Variants in SLC39A12 observed in about 807,000 individuals in gnomAD.
The protein encoded by SLC39A12 is solute carrier family 39 member 12.
A neutral mutation model predicts 71.1 loss-of-function variants in SLC39A12; 63 were observed. The ratio of observed to expected loss-of-function variants is 0.89; its 90% CI spans 0.72 to 1.09. The LOEUF (loss-of-function observed/expected upper bound fraction) is 1.09, where lower values mean the gene tolerates loss of function less well. SLC39A12 is among the 50% of genes least tolerant of loss of function. The pLI is 0.00. For missense variants in SLC39A12, 892 were observed against 812.6 expected, an observed-to-expected ratio of 1.10 and a Z score of -1.19; for synonymous variants, 351 against 301.3, an observed-to-expected ratio of 1.16 and a Z score of -1.71.
At position 17,965,614 on chromosome 10, in the gene SLC39A12, A is replaced by C; in HGVS notation, c.675A>C (p.Gly225=). 6.2e-7 allele frequency: 1 copy of C among 1,614,198 alleles called. No individual in the cohort carries two copies. The highest frequency in any genetic ancestry group is 1.1e-5 in the South Asian group (1 of 91,080). ...LSLQGVCLGQ[G]NLPSPDYFTE... The stretch of plus-strand genomic sequence containing the variant: ...TCCAGGGTGTTTGTCTGGGACAAGG[A>C]AACTTGCCTTCCCCAGACTACTTTA... The change falls in exon 4 of 13, where the codon GGA becomes GGC. Residue 225 remains glycine, a synonymous_variant. Coordinates refer to ENST00000377369, the MANE Select transcript of SLC39A12 (RefSeq NM_001145195.2).
At position 17,996,255 on chromosome 10, in the gene SLC39A12, A is replaced by G. The variant is rs559107098; in HGVS notation, c.1600+533A>G. The stretch of plus-strand genomic sequence containing the variant: ...ATTAACAAAGCTTGATGTTTTTTCT[A>G]TGATTTTTTTCTTCTGCATTTAATT... On this transcript the variant is annotated intron_variant, in intron 10 of 12. Coordinates refer to ENST00000377369, the MANE Select transcript of SLC39A12 (RefSeq NM_001145195.2). 6.1e-5 allele frequency among the ~76,000 whole-genome samples: 7 copies of G among 114,058 alleles called. No individual in the cohort carries two copies. In the East Asian group the frequency reaches 1.4e-3, roughly 23 times the overall value. 74.8% of individuals were successfully genotyped at this position (114,058 alleles called of 152,430 possible). A position where few individuals can be genotyped will look rare whatever the true frequency, so the allele number is the denominator to read the frequency against.
intron 12 of SLC39A12, among the ~76,000 whole-genome samples, chr10:18,026,374 G>C (rs944778052): frequency 1.3e-5 from 2 of 151,938 alleles, no homozygotes; most frequent in Non-Finnish European, 1.5e-5. Context: ...AAATATTTTA[G>C]TTCACCCCCT....
At chr10:17,975,031 C>T (rs1589226419) in intron 4 of SLC39A12, among the ~76,000 whole-genome samples, 1 of 152,228 alleles carries the variant, frequency 6.6e-6, no homozygotes, top group Non-Finnish European at 1.5e-5. Flanking sequence ...GAGCCTTACT[C>T]TGTGGCCAGC....
At chr10:17,989,548 C>T (rs1835488057) in intron 7 of SLC39A12, among the ~76,000 whole-genome samples, 1 of 152,080 alleles carries the variant, frequency 6.6e-6, no homozygotes, top group Non-Finnish European at 1.5e-5. Context: ...AGGATGGGTG[C>T]AACATGTTAC....
intron 5 of SLC39A12, among the ~76,000 whole-genome samples, chr10:17,979,327 TTTGTAATAGAATAACC>T (rs1835195489): frequency 6.6e-6 from 1 of 152,194 alleles, no homozygotes; most frequent in Non-Finnish European, 1.5e-5. Flanking sequence ...GGCGCAGAAG[TTTGTAATAGAATAACC>T]TTACTCTCTG....
At chr10:18,025,588 A>G (rs1272775814) in intron 12 of SLC39A12, among the ~76,000 whole-genome samples, 1 of 152,192 alleles carries the variant, frequency 6.6e-6, no homozygotes, top group African/African-American at 2.4e-5. Context: ...GCTGCATAGT[A>G]TTCCATGGTG....
At chr10:18,035,664 C>T (rs1446781831) in intron 12 of SLC39A12, among the ~76,000 whole-genome samples, 1 of 152,226 alleles carries the variant, frequency 6.6e-6, no homozygotes, top group Admixed American at 6.5e-5. Context: ...AGTCATTCTC[C>T]ATCCAGCTTT....
chr10:17,989,179 C>CCAAT (rs150276592), intron 7 of SLC39A12, among the ~76,000 whole-genome samples: 2 of 152,298 alleles, frequency 1.3e-5, no homozygotes, highest in African/African-American at 2.4e-5. Flanking sequence ...TGATGGTGGA[C>CCAAT]CAATGATCCC....
rs746691202 is a variant in SLC39A12, at chr10:18,036,794, A to ATTTTTTT, written c.1948-5906_1948-5900dup. Among the ~76,000 whole-genome samples the ATTTTTTT allele has an allele frequency of 1.2e-3, 115 of 92,836 alleles. 2 individuals carry two copies. The highest frequency in any genetic ancestry group is 2.6e-3 in the South Asian group (6 of 2,300). The allele number at this position is 92,836 out of a possible 152,430, so 60.9% of individuals were successfully genotyped here. A position where few individuals can be genotyped will look rare whatever the true frequency, so the allele number is the denominator to read the frequency against. The stretch of plus-strand genomic sequence containing the variant: ...TATATATATATATATATATATATAT[A>ATTTTTTT]TTTTTTTTTTTAATGGAATCTCACT... On this transcript the variant is annotated intron_variant, in intron 12 of 12. Transcript: ENST00000377369.
At chr10:17,958,089 T>C (rs1019258909) in intron 2 of SLC39A12, among the ~76,000 whole-genome samples, 3 of 152,218 alleles carry the variant, frequency 2.0e-5, no homozygotes, top group Non-Finnish European at 2.9e-5. Context: ...GTGGAATGCC[T>C]ACCCACACGA....
chr10:17,991,782 T>C (rs1321480095), intron 8 of SLC39A12, among the ~76,000 whole-genome samples: 1 of 152,086 alleles, frequency 6.6e-6, no homozygotes, highest in Non-Finnish European at 1.5e-5. Context: ...ATTATACCAG[T>C]AGCTGATAAA....
chr10:18,034,809 C>T (rs548523565), intron 12 of SLC39A12, among the ~76,000 whole-genome samples: 13 of 148,604 alleles, frequency 8.7e-5, no homozygotes, highest in Admixed American at 4.0e-4. Flanking sequence ...CCATGTTTAG[C>T]GCTTCCTTCA....
intron 12 of SLC39A12, 91 bp downstream of exon 12, chr10:18,003,449 T>C: frequency 8.6e-7 from 1 of 1,160,900 alleles, no homozygotes; most frequent in Non-Finnish European, 1.2e-6. Context: ...GATAAATGAG[T>C]AGAACAGAAG....
chr10:17,988,733 C>T (rs1835467152), intron 7 of SLC39A12, among the ~76,000 whole-genome samples: 1 of 152,104 alleles, frequency 6.6e-6, no homozygotes, highest in Admixed American at 6.5e-5. Flanking sequence ...GCATCTGTGC[C>T]CAGCTCCCTC....
At chr10:17,987,435 A>C (rs747968029) in intron 6 of SLC39A12, 44 bp from the exon 7 acceptor site, 11 of 1,593,992 alleles carry the variant, frequency 6.9e-6, no homozygotes, top group Non-Finnish European at 9.4e-6. Flanking sequence ...GCCGGAATGG[A>C]GGGCACTGGG....
At chr10:18,012,894 A>G (rs1030538272) in intron 12 of SLC39A12, among the ~76,000 whole-genome samples, 1 of 150,796 alleles carries the variant, frequency 6.6e-6, no homozygotes, top group Non-Finnish European at 1.5e-5. Flanking sequence ...AAGGGCTTAA[A>G]TCCTGCAAAA....
chr10:17,973,367 A>T lies in SLC39A12; in HGVS notation c.752-4535A>T, dbSNP rs554921603. Among the ~76,000 whole-genome samples, 13 of 152,200 alleles carry T rather than the reference A, an allele frequency of 8.5e-5. No homozygotes were observed. In the East Asian group the frequency reaches 2.5e-3, roughly 29 times the overall value. On this transcript the variant is annotated intron_variant, in intron 4 of 12. Coordinates refer to ENST00000377369, the MANE Select transcript of SLC39A12 (RefSeq NM_001145195.2). ...CAGGTGATTATTATTATTTACTAAC[A>T]TCTATTTCTTTCTGATTGAAGTAGT...
chr10:17,965,490 A>G lies in SLC39A12; in HGVS notation c.551A>G (p.Glu184Gly). The part of the protein sequence containing the change: ...YFDTSQSQCM[E>G]TKTLQKKSGI... ...TTTTGTATCTGATTTCAGTGTATGG[A>G]AACCAAAACGCTGCAGAAAAAATCT... is the stretch of plus-strand genomic sequence containing the variant. Residue 184 changes from glutamate to glycine, a missense_variant, in exon 4 of 13, where the codon GAA becomes GGA. By Grantham distance (98) the Glu-to-Gly change is moderately conservative. Transcript: ENST00000377369. The G allele has an allele frequency of 6.2e-7, 1 of 1,614,022 alleles. No homozygotes were observed. Among genetic ancestry groups the G allele is most frequent in the Non-Finnish European group, 8.5e-7 (1 of 1,179,964 alleles).
At position 18,034,937 on chromosome 10, in the gene SLC39A12, A is replaced by G. The variant is rs1312663272; in HGVS notation, c.1948-7768A>G. On this transcript the variant is annotated intron_variant, in intron 12 of 12. Transcript: ENST00000377369. ...AATTTGGCTGGATATGAAATTCTGGATTGAAAATTCTTGTCTTTAAGAATG... is the reference window on the plus strand; with the variant it reads ...AATTTGGCTGGATATGAAATTCTGGGTTGAAAATTCTTGTCTTTAAGAATG... Among the ~76,000 whole-genome samples, 45 of 152,112 alleles carry G rather than the reference A, an allele frequency of 3.0e-4. No homozygotes were observed. In the East Asian group the frequency reaches 7.0e-3, roughly 24 times the overall value.
Sources: gnomAD v4.1 joint callset for allele counts (sites outside exome capture counted in the v4.1 genomes callset) on GRCh38, gnomAD v4.1.1 for gene constraint, MANE v1.5 for transcripts, NCBI Gene and HGNC (gene_info 2026-07-23, HGNC 2026-07-21) for gene names.